Variants in PSMA2 observed in about 807,000 individuals in gnomAD.
PSMA2 encodes the protein proteasome 20S subunit alpha 2.
PSMA2 carries 2 observed loss-of-function variants against 35.9 expected under a neutral mutation model. The observed-to-expected ratio is 0.06, with a 90% CI of 0.02 to 0.18. The LOEUF is 0.18. PSMA2 is among the 10% of genes least tolerant of loss of function. The pLI is 1.00. For synonymous variants in PSMA2, 97 were observed against 98.2 expected (o/e 0.99, Z 0.07); for missense variants, 126 against 278.8 (o/e 0.45, Z 3.90).
intron 6 of PSMA2, chr7:42,919,830 G>C: frequency 1.4e-6 from 1 of 727,758 alleles, no homozygotes; most frequent in South Asian, 1.4e-5. Context: ...ATCCTACAAA[G>C]GACACTCTGG....
intron 4 of PSMA2, among the ~76,000 whole-genome samples, chr7:42,923,927 G>A (rs1786164846): frequency 6.6e-6 from 1 of 152,068 alleles, no homozygotes; most frequent in African/African-American, 2.4e-5. Context: ...TTTTCCACTA[G>A]GTTTACGTAT....
rs75646021 is a variant in PSMA2, at chr7:42,922,991, T to C, written c.456+334A>G. On this transcript the variant is annotated intron_variant, in intron 5 of 7. Coordinates refer to ENST00000223321, the MANE Select transcript of PSMA2 (RefSeq NM_002787.5). ...CCAAGATTCAACTGATGGCAAACAC[T>C]ACAACACTGTCCTCCAGATCCACAT... 7.7e-3 allele frequency among the ~76,000 whole-genome samples: 1,173 copies of C among 152,280 alleles called. 17 individuals are homozygous for C. Among genetic ancestry groups the C allele is most frequent in the African/African-American group, 0.027 (1,123 of 41,556 alleles).
intron 6 of PSMA2, chr7:42,919,179 C>T (rs768650975): frequency 5.1e-6 from 3 of 582,974 alleles, no homozygotes; most frequent in Non-Finnish European, 1.0e-5. Flanking sequence ...CTATGCTATG[C>T]CAGGGAGATA....
intron 1 of PSMA2, chr7:42,931,107 G>A (rs1786301486): frequency 2.3e-6 from 1 of 444,078 alleles, no homozygotes; most frequent in Admixed American, 2.5e-5. Flanking sequence ...GATGACCTTA[G>A]ACAAGTTGTT....
chr7:42,924,154 G>T (rs1191266357), intron 4 of PSMA2, among the ~76,000 whole-genome samples: 1 of 149,622 alleles, frequency 6.7e-6, no homozygotes, highest in Admixed American at 6.7e-5. Flanking sequence ...AACCAGCCTG[G>T]CCAACATAGT....
At position 42,927,367 on chromosome 7, in the gene PSMA2, T is replaced by C. The variant is rs376379505; in HGVS notation, c.118+16A>G. ...ACTACTAACAGGCATCTGAAATGAATGAAGCATTTCATTACCTTTAATTCC... is the reference window on the plus strand; with the variant it reads ...ACTACTAACAGGCATCTGAAATGAACGAAGCATTTCATTACCTTTAATTCC... On this transcript the variant is annotated intron_variant, in intron 2 of 7. Transcript: ENST00000223321. The C allele has an allele frequency of 1.9e-5, 31 of 1,604,774 alleles. No individual in the cohort carries two copies. The highest frequency in any genetic ancestry group is 2.5e-5 in the Non-Finnish European group (29 of 1,171,662).
At chr7:42,925,016 T>A (rs1420187447) in intron 3 of PSMA2, among the ~76,000 whole-genome samples, 1 of 152,284 alleles carries the variant, frequency 6.6e-6, no homozygotes, top group South Asian at 2.1e-4. Context: ...AAGTAACAGA[T>A]TTAATGTACA....
intron 3 of PSMA2, 36 bp downstream of exon 3, chr7:42,926,500 G>A (rs778129043): frequency 4.6e-6 from 7 of 1,514,864 alleles, no homozygotes; most frequent in Admixed American, 2.4e-5. Flanking sequence ...ATCAATTCAT[G>A]AGATGGTGAG....
At chr7:42,925,329 TA>T (rs1786194470) in intron 3 of PSMA2, among the ~76,000 whole-genome samples, 1 of 152,176 alleles carries the variant, frequency 6.6e-6, no homozygotes, top group Non-Finnish European at 1.5e-5. Flanking sequence ...CCCAACACTT[TA>T]AAAGGCTGAG....
intron 6 of PSMA2, chr7:42,919,567 A>T: frequency 1.9e-6 from 1 of 517,082 alleles, no homozygotes; most frequent in Non-Finnish European, 3.8e-6. Context: ...TGCTACTATG[A>T]CAGAAGTGAA....
At chr7:42,925,744 C>A (rs754085514) in intron 3 of PSMA2, among the ~76,000 whole-genome samples, 2 of 152,146 alleles carry the variant, frequency 1.3e-5, no homozygotes, top group Non-Finnish European at 2.9e-5. Flanking sequence ...CAGTCATGTC[C>A]CATCCCTCAG....
At chr7:42,923,533 A>T in intron 4 of PSMA2, 127 bp from the exon 5 acceptor site, 2 of 686,928 alleles carry the variant, frequency 2.9e-6, no homozygotes, top group East Asian at 5.5e-5. Context: ...AGTTCCTTAG[A>T]AAGTATTTAA....
chr7:42,927,797 T>C (rs1786236072), intron 1 of PSMA2, among the ~76,000 whole-genome samples: 1 of 151,970 alleles, frequency 6.6e-6, no homozygotes. Flanking sequence ...TCCCAGCTAC[T>C]TGGGAGGCTG....
At chr7:42,919,369 T>A in intron 6 of PSMA2, 1 of 573,110 alleles carries the variant, frequency 1.7e-6, no homozygotes. Flanking sequence ...ATGGATTTCA[T>A]GCAGGATAGT....
chr7:42,919,497 TACAGTGAGGATA>T, intron 6 of PSMA2: 1 of 520,304 alleles, frequency 1.9e-6, no homozygotes, highest in South Asian at 1.6e-5. Flanking sequence ...GGCCCTATGG[TACAGTGAGGATA>T]AACAGATTCT....
rs1362522781 is a variant in PSMA2, at chr7:42,917,053, C to T, written c.*521G>A. 1 of 152,300 alleles carries T rather than the reference C, an allele frequency of 6.6e-6. No individual in the cohort carries two copies. The highest frequency in any genetic ancestry group is 1.5e-5 in the Non-Finnish European group (1 of 68,122). 9.4% of individuals were successfully genotyped at this position (152,300 alleles called of 1,614,324 possible). A position where few individuals can be genotyped will look rare whatever the true frequency, so the allele number is the denominator to read the frequency against. On this transcript the variant is annotated 3_prime_UTR_variant, in exon 8 of 8. Transcript: ENST00000223321. ...CTCCCATGGAGACCTATTTGGCTTA[C>T]CACTCTTCATAGGCCTAGTACAATC...
At chr7:42,930,282 TG>T (rs1157259676) in intron 1 of PSMA2, among the ~76,000 whole-genome samples, 2 of 152,034 alleles carry the variant, frequency 1.3e-5, no homozygotes, top group African/African-American at 4.8e-5. Context: ...CTTTTAGATA[TG>T]GGGTATCACT....
chr7:42,926,613 A>T lies in PSMA2; in HGVS notation c.174T>A (p.Asp58Glu), dbSNP rs756552869. The T allele has an allele frequency of 1.3e-5, 21 of 1,612,442 alleles. 1 individual carries two copies. In the South Asian group the frequency reaches 2.3e-4, roughly 18 times the overall value. The change falls in exon 3 of 8, where the codon GAT (aspartate) becomes GAA (glutamate). Residue 58 changes from aspartate to glutamate, a missense_variant. Coordinates refer to ENST00000223321, the MANE Select transcript of PSMA2 (RefSeq NM_002787.5). ...GTTCTACTTTGTGTACACTTCGCTCATCATACAGAATGGATTTCTGTTTTT... is the reference window on the plus strand; with the variant it reads ...GTTCTACTTTGTGTACACTTCGCTCTTCATACAGAATGGATTTCTGTTTTT... ...TEKKQKSILY[D>E]ERSVHKVEPI...
chr7:42,923,035 C>T lies in PSMA2; in HGVS notation c.456+290G>A, dbSNP rs115330373. Among the ~76,000 whole-genome samples, 1,388 of 152,194 alleles carry T rather than the reference C, an allele frequency of 9.1e-3. 20 individuals carry two copies. Among genetic ancestry groups the T allele is most frequent in the African/African-American group, 0.031 (1,286 of 41,510 alleles). ...TCCACATCTTCAATTGCAGTATTTC[C>T]CGAAGTAACAGGTTTAAATACATTT... On this transcript the variant is annotated intron_variant, in intron 5 of 7. Transcript: ENST00000223321.
Sources: allele counts gnomAD v4.1 joint callset (sites outside exome capture counted in the v4.1 genomes callset), GRCh38; gene constraint gnomAD v4.1.1; transcripts MANE v1.5; gene names NCBI Gene and HGNC (gene_info 2026-07-23, HGNC 2026-07-21).